Variants in PARVA observed in about 807,000 individuals in gnomAD.
The protein encoded by PARVA is alpha-parvin.
A neutral mutation model predicts 52.6 loss-of-function variants in PARVA; 25 were observed. The ratio of observed to expected loss-of-function variants is 0.48; its 90% CI spans 0.35 to 0.66. PARVA has a LOEUF of 0.66. Ranked by LOEUF, PARVA falls within the 30% of genes least tolerant of loss-of-function variation. PARVA has a pLI of 0.01. For synonymous variants in PARVA, 185 were observed against 179.1 expected (o/e 1.03, Z -0.26); for missense variants, 373 against 450.9 (o/e 0.83, Z 1.56).
At chr11:12,474,112 G>A in intron 3 of PARVA, 129 bp downstream of exon 3, 1 of 724,582 alleles carries the variant, frequency 1.4e-6, no homozygotes, top group Non-Finnish European at 2.4e-6. Context: ...CCCTGCCTCA[G>A]GCAGTGAGTT....
chr11:12,401,724 C>T (rs910218472), intron 1 of PARVA, among the ~76,000 whole-genome samples: 2 of 152,098 alleles, frequency 1.3e-5, no homozygotes, highest in Non-Finnish European at 2.9e-5. Context: ...ATTTAGGGAA[C>T]AATAGGATTG....
At chr11:12,435,465 G>A (rs534107748) in intron 1 of PARVA, among the ~76,000 whole-genome samples, 5 of 152,250 alleles carry the variant, frequency 3.3e-5, no homozygotes, top group Admixed American at 1.3e-4. Context: ...CAGAGCTTCC[G>A]GTCTATTTCT....
At chr11:12,472,496 C>G (rs1040726390) in intron 1 of PARVA, among the ~76,000 whole-genome samples, 4 of 152,090 alleles carry the variant, frequency 2.6e-5, no homozygotes, top group Non-Finnish European at 2.9e-5. Context: ...GTACTAAATA[C>G]CAGCCTCGCC....
intron 1 of PARVA, among the ~76,000 whole-genome samples, chr11:12,461,210 C>T (rs895935052): frequency 1.7e-4 from 26 of 152,318 alleles, no homozygotes; most frequent in African/African-American, 6.0e-4. Context: ...GATGCCCATA[C>T]ATGCTTATGA....
intron 1 of PARVA, among the ~76,000 whole-genome samples, chr11:12,400,860 CTG>C (rs1372157236): frequency 2.6e-5 from 4 of 152,160 alleles, no homozygotes; most frequent in Non-Finnish European, 5.9e-5. Context: ...AAATATTTAA[CTG>C]TATTCCCATG....
chr11:12,420,606 C>T (rs888069686), intron 1 of PARVA, among the ~76,000 whole-genome samples: 1 of 152,136 alleles, frequency 6.6e-6, no homozygotes, highest in Non-Finnish European at 1.5e-5. Context: ...AAGGATTGTC[C>T]TTTAGGCTCA....
chr11:12,498,945 G>A (rs1174136457), intron 5 of PARVA, among the ~76,000 whole-genome samples: 2 of 152,020 alleles, frequency 1.3e-5, no homozygotes, highest in African/African-American at 2.4e-5. Context: ...ACATTCCCTC[G>A]TGGTCTTTGT....
In PARVA at chr11:12,456,327, T is replaced by A. The variant is rs531473063; in HGVS notation, c.137-17418T>A. On this transcript the variant is annotated intron_variant, in intron 1 of 12. Coordinates refer to ENST00000334956, the MANE Select transcript of PARVA (RefSeq NM_018222.5). Reference sequence around the variant, plus strand: ...TGAGCTAAGTATCATGATTCCCACTTTAGAGGGGGAACAAGTTAAGTAATA... The same window carrying A: ...TGAGCTAAGTATCATGATTCCCACTATAGAGGGGGAACAAGTTAAGTAATA... Among the ~76,000 whole-genome samples the A allele has an allele frequency of 2.3e-3, 345 of 150,584 alleles. 3 individuals carry two copies. Among genetic ancestry groups the A allele is most frequent in the Non-Finnish European group, 1.7e-3 (113 of 67,280 alleles).
At chr11:12,511,190 C>T (rs1941498166) in intron 7 of PARVA, among the ~76,000 whole-genome samples, 1 of 152,192 alleles carries the variant, frequency 6.6e-6, no homozygotes. Flanking sequence ...GTCCAATATT[C>T]TTTAACTGCA....
intron 5 of PARVA, among the ~76,000 whole-genome samples, chr11:12,498,937 A>G (rs1396848673): frequency 1.3e-5 from 2 of 152,196 alleles, no homozygotes; most frequent in Non-Finnish European, 2.9e-5. Context: ...TATTTTCTAC[A>G]TTCCCTCGTG....
At chr11:12,449,192 C>T (rs553174891) in intron 1 of PARVA, among the ~76,000 whole-genome samples, 10 of 152,034 alleles carry the variant, frequency 6.6e-5, no homozygotes, top group Admixed American at 3.3e-4. Context: ...GTCTCCCCGT[C>T]GCCCAGGCTG....
intron 1 of PARVA, among the ~76,000 whole-genome samples, chr11:12,378,183 T>A (rs1287824838): frequency 3.3e-5 from 5 of 152,098 alleles, no homozygotes; most frequent in African/African-American, 9.6e-5. Flanking sequence ...AAGGCTGGCA[T>A]TTCCCAAGTT....
At chr11:12,507,426 C>T (rs760237628) in intron 6 of PARVA, among the ~76,000 whole-genome samples, 6 of 152,324 alleles carry the variant, frequency 3.9e-5, no homozygotes, top group East Asian at 1.9e-4. Flanking sequence ...TTACCTCCTT[C>T]GTCAGCTCCC....
intron 1 of PARVA, among the ~76,000 whole-genome samples, chr11:12,447,779 G>A (rs1375219320): frequency 5.3e-5 from 8 of 152,136 alleles, no homozygotes; most frequent in South Asian, 2.1e-4. Flanking sequence ...TAAAAACCTC[G>A]TAGGGTTCCA....
chr11:12,428,672 G>A (rs371762039), intron 1 of PARVA, among the ~76,000 whole-genome samples: 4 of 152,230 alleles, frequency 2.6e-5, no homozygotes, highest in African/African-American at 9.6e-5. Flanking sequence ...ATTTGGCTCA[G>A]TGTCGGGTGC....
chr11:12,435,756 G>A (rs1435800302), intron 1 of PARVA, among the ~76,000 whole-genome samples: 9 of 152,094 alleles, frequency 5.9e-5, no homozygotes, highest in African/African-American at 1.2e-4. Context: ...TGATTTTGGG[G>A]CAAGTGACTT....
intron 1 of PARVA, chr11:12,452,640 G>A: frequency 6.2e-6 from 1 of 160,428 alleles, no homozygotes; most frequent in South Asian, 1.8e-4. Context: ...CAGCATTTGA[G>A]TACCCAGCCC....
intron 1 of PARVA, among the ~76,000 whole-genome samples, chr11:12,390,873 G>A (rs1939649139): frequency 2.0e-5 from 3 of 152,152 alleles, no homozygotes; most frequent in Admixed American, 2.0e-4. Flanking sequence ...CAAAACACAG[G>A]AGGAGGGTAA....
Position 12,528,924 on chromosome 11 carries a change from A to G in PARVA, c.*999A>G, listed in dbSNP as rs561106172. The stretch of plus-strand genomic sequence containing the variant: ...CAGCCTTTTTGCTTGATTGCATGTA[A>G]TGGAAATGCCCTATATTTTCCTGCA... On this transcript the variant is annotated 3_prime_UTR_variant, in exon 13 of 13. Transcript: ENST00000334956. The G allele has an allele frequency of 1.2e-4, 19 of 152,718 alleles. No homozygotes were observed. Among genetic ancestry groups the G allele is most frequent in the Admixed American group, 1.0e-3 (16 of 15,294 alleles). The allele number at this position is 152,718 out of a possible 1,614,324, so 9.5% of individuals were successfully genotyped here. A position where few individuals can be genotyped will look rare whatever the true frequency, so the allele number is the denominator to read the frequency against.
Sources: gnomAD v4.1 joint callset for allele counts (sites outside exome capture counted in the v4.1 genomes callset) on GRCh38, gnomAD v4.1.1 for gene constraint, MANE v1.5 for transcripts, NCBI Gene and HGNC (gene_info 2026-07-23, HGNC 2026-07-21) for gene names.